POU6F1: variants seen among roughly 807,000 people sequenced by gnomAD.
POU6F1 encodes POU domain, class 6, transcription factor 1.
POU6F1 carries 9 observed loss-of-function variants against 28.9 expected under a neutral mutation model. The observed-to-expected ratio is 0.31, with a 90% CI of 0.19 to 0.54. POU6F1 has a LOEUF of 0.54. POU6F1 is among the 20% of genes least tolerant of loss of function. The probability of loss-of-function intolerance (pLI) is 0.94; values close to 1 mark genes in which losing one functional copy is unlikely to be tolerated. For missense variants in POU6F1, 338 were observed against 426.1 expected (o/e 0.79, Z 1.82); for synonymous variants, 173 against 171.1 (o/e 1.01, Z -0.09).
At position 51,199,068 on chromosome 12, in the gene POU6F1, C is replaced by T. The variant is rs570465915; in HGVS notation, c.367-293G>A. On this transcript the variant is annotated intron_variant, in intron 4 of 10. Coordinates refer to ENST00000333640, the MANE Select transcript of POU6F1 (RefSeq NM_001330422.2). The surrounding 1 kb of genome is among the most constrained non-coding windows in gnomAD (Gnocchi z 4.1). Reference sequence around the variant, plus strand: ...GGCCTCCCCCACCACAGCCTGCTGCCTGCCAGGCCTTCCGCGAGCCCTTGC... The same window carrying T: ...GGCCTCCCCCACCACAGCCTGCTGCTTGCCAGGCCTTCCGCGAGCCCTTGC... 2.0e-5 allele frequency among the ~76,000 whole-genome samples: 3 copies of T among 152,360 alleles called. No individual in the cohort carries two copies. Among genetic ancestry groups the T allele is most frequent in the Admixed American group, 2.0e-4 (3 of 15,304 alleles).
At chr12:51,216,362 A>G (rs1267074260) in intron 1 of POU6F1, among the ~76,000 whole-genome samples, 1 of 152,204 alleles carries the variant, frequency 6.6e-6, no homozygotes, top group African/African-American at 2.4e-5. Flanking sequence ...ACAAAACAGA[A>G]TAAATGGCTA....
intron 2 of POU6F1, among the ~76,000 whole-genome samples, chr12:51,205,975 C>T (rs1175529947): frequency 2.7e-5 from 4 of 150,610 alleles, no homozygotes; most frequent in Admixed American, 6.6e-5. Context: ...CCCACCACCA[C>T]GCCCGGCTAA....
rs1944367784 is a variant in POU6F1, at chr12:51,217,766, C to A, written c.-172G>T. The A allele has an allele frequency of 6.6e-6, 1 of 151,920 alleles. No individual in the cohort carries two copies. The highest frequency in any genetic ancestry group is 6.6e-5 in the Admixed American group (1 of 15,248). The allele number at this position is 151,920 out of a possible 1,614,324, so 9.4% of individuals were successfully genotyped here. A position where few individuals can be genotyped will look rare whatever the true frequency, so the allele number is the denominator to read the frequency against. On this transcript the variant is annotated 5_prime_UTR_variant, in exon 1 of 11. Coordinates refer to ENST00000333640, the MANE Select transcript of POU6F1 (RefSeq NM_001330422.2). This position sits in a 1 kb window ranked among gnomAD's most constrained non-coding sequence, Gnocchi z 5.3. Reference sequence around the variant, plus strand: ...GGCCACGGCGGCCGCCGCCCGCAGACAAAGAAGCCAGTGCGGCTTGGCTGG... The same window carrying A: ...GGCCACGGCGGCCGCCGCCCGCAGAAAAAGAAGCCAGTGCGGCTTGGCTGG...
At chr12:51,191,903 T>A in intron 9 of POU6F1, 139 bp from the exon 10 acceptor site, 7 of 1,061,870 alleles carry the variant, frequency 6.6e-6, no homozygotes, top group Non-Finnish European at 9.8e-6. Context: ...AAGACTCTTA[T>A]CACCTTTGTC....
chr12:51,206,246 A>G (rs1236340968), intron 2 of POU6F1, among the ~76,000 whole-genome samples: 1 of 149,872 alleles, frequency 6.7e-6, no homozygotes, highest in Non-Finnish European at 1.5e-5. Flanking sequence ...ACACGGTGAA[A>G]CCCCATCTCT....
At chr12:51,210,431 T>C (rs897168034) in intron 1 of POU6F1, among the ~76,000 whole-genome samples, 8 of 152,192 alleles carry the variant, frequency 5.3e-5, no homozygotes, top group African/African-American at 1.9e-4. Context: ...TCATTAGGCG[T>C]AAGGCAGCAG....
At chr12:51,191,946 C>T (rs1480938407) in intron 9 of POU6F1, among the ~76,000 whole-genome samples, 182 bp from the exon 10 acceptor site, 2 of 152,230 alleles carry the variant, frequency 1.3e-5, no homozygotes, top group African/African-American at 4.8e-5. Flanking sequence ...GGGGCCTAAA[C>T]TAACCTCTCC....
rs1942260686 is a variant in POU6F1, at chr12:51,189,616, A to AT, written c.*630dup. 6.5e-6 allele frequency: 1 copy of AT among 152,962 alleles called. No individual in the cohort carries two copies. Among genetic ancestry groups the AT allele is most frequent in the South Asian group, 2.1e-4 (1 of 4,836 alleles). The allele number at this position is 152,962 out of a possible 1,614,324, so 9.5% of individuals were successfully genotyped here. On this transcript the variant is annotated 3_prime_UTR_variant, in exon 11 of 11. Coordinates refer to ENST00000333640, the MANE Select transcript of POU6F1 (RefSeq NM_001330422.2). ...AGGAAGAGGTGGAAGAGGAGATCCC[A>AT]TGTTCCAGCCCCAGGGGTTTGGGAA...
chr12:51,211,666 T>C (rs898709683), intron 1 of POU6F1, among the ~76,000 whole-genome samples: 3 of 152,122 alleles, frequency 2.0e-5, no homozygotes, highest in African/African-American at 4.8e-5. Context: ...GGTAGGAGGA[T>C]TGATTGAGCC....
At chr12:51,211,395 C>A (rs375315518) in intron 1 of POU6F1, among the ~76,000 whole-genome samples, 1 of 152,306 alleles carries the variant, frequency 6.6e-6, no homozygotes. Context: ...GCAAGGCACT[C>A]TGGTTGGCTA....
intron 1 of POU6F1, among the ~76,000 whole-genome samples, chr12:51,216,162 C>T (rs929049621): frequency 1.3e-5 from 2 of 151,800 alleles, no homozygotes; most frequent in African/African-American, 4.8e-5. Flanking sequence ...TACTAAGATA[C>T]AAAAAAATCA....
At chr12:51,201,085 C>T (rs1410335029) in intron 3 of POU6F1, among the ~76,000 whole-genome samples, 2 of 152,184 alleles carry the variant, frequency 1.3e-5, no homozygotes, top group Non-Finnish European at 2.9e-5. Flanking sequence ...AGGCTAGTTA[C>T]CTCACCTCTC....
In POU6F1 at chr12:51,217,044, C is replaced by T. The variant is rs1175130655; in HGVS notation, c.-48+598G>A. 4.6e-5 allele frequency among the ~76,000 whole-genome samples: 7 copies of T among 152,188 alleles called. No homozygotes were observed. The highest frequency in any genetic ancestry group is 1.7e-4 in the African/African-American group (7 of 41,448). On this transcript the variant is annotated intron_variant, in intron 1 of 10. Coordinates refer to ENST00000333640, the MANE Select transcript of POU6F1 (RefSeq NM_001330422.2). This position sits in a 1 kb window ranked among gnomAD's most constrained non-coding sequence, Gnocchi z 5.3. ...ATTAAATATTTATGAAGTGCTCATG[C>T]TCTGCTAGAAGGTGGCCCTCCCATC...
Position 51,190,903 on chromosome 12 carries a change from G to C in POU6F1, c.1491-311C>G, listed in dbSNP as rs1341282422. Among the ~76,000 whole-genome samples the C allele has an allele frequency of 5.5e-4, 2 of 3,644 alleles. No homozygotes were observed. Among genetic ancestry groups the C allele is most frequent in the Non-Finnish European group, 9.0e-4 (2 of 2,234 alleles). The allele number at this position is 3,644 out of a possible 152,430, so 2.4% of individuals were successfully genotyped here. ...TTCTAGAACGTTCCCCTAAATGAAT[G>C]AAGTCCTTTTGAGGAGTCACCTTGG... On this transcript the variant is annotated intron_variant, in intron 10 of 10. Coordinates refer to ENST00000333640, the MANE Select transcript of POU6F1 (RefSeq NM_001330422.2). This position sits in a 1 kb window ranked among gnomAD's most constrained non-coding sequence, Gnocchi z 4.5.
intron 6 of POU6F1, among the ~76,000 whole-genome samples, chr12:51,197,444 T>C (rs2137129475): frequency 6.6e-6 from 1 of 152,316 alleles, no homozygotes; most frequent in East Asian, 1.9e-4. Context: ...GACACCAGCA[T>C]AGAGCTGTAA....
In POU6F1 at chr12:51,197,114, CTGCTGG is replaced by C; in HGVS notation, c.847-193_847-188del. On this transcript the variant is annotated intron_variant, in intron 6 of 10. Transcript: ENST00000333640. ...ATGGTTTCCAGGGCTAGGGGTCTAC[CTGCTGG>C]ATGGTTTCCAGGGCTAGGGGTCTAC... 6.2e-6 allele frequency: 2 copies of C among 321,984 alleles called. 1 individual carries two copies. Among genetic ancestry groups the C allele is most frequent in the African/African-American group, 6.8e-5 (2 of 29,550 alleles). 19.9% of individuals were successfully genotyped at this position (321,984 alleles called of 1,614,324 possible). A position where few individuals can be genotyped will look rare whatever the true frequency, so the allele number is the denominator to read the frequency against.
chr12:51,210,962 C>T (rs957774316), intron 1 of POU6F1, among the ~76,000 whole-genome samples: 3 of 152,254 alleles, frequency 2.0e-5, no homozygotes, highest in Non-Finnish European at 4.4e-5. Context: ...GTGTGTTCCC[C>T]TTGCTTGGTA....
At chr12:51,216,888 G>A (rs188635924) in intron 1 of POU6F1, among the ~76,000 whole-genome samples, 444 of 152,322 alleles carry the variant, frequency 2.9e-3, no homozygotes, top group Non-Finnish European at 5.5e-3. Context: ...GTCGGGCTGA[G>A]TGGGGTATTC....
chr12:51,207,002 A>T (rs557125396), intron 1 of POU6F1, 119 bp from the exon 2 acceptor site: 10 of 380,950 alleles, frequency 2.6e-5, no homozygotes, highest in Non-Finnish European at 4.6e-5. Context: ...TCTCCCAAGT[A>T]TCTGTAGAGG....
Sources: gnomAD v4.1 joint callset for allele counts (sites outside exome capture counted in the v4.1 genomes callset) on GRCh38, gnomAD v4.1.1 for gene constraint, Gnocchi (gnomAD v3.1) non-coding constraint, MANE v1.5 for transcripts, NCBI Gene and HGNC (gene_info 2026-07-23, HGNC 2026-07-21) for gene names.